Variants in UEVLD observed in about 807,000 individuals in gnomAD.
UEVLD encodes the protein UEV and lactate/malate dehyrogenase domains.
UEVLD carries 47 observed loss-of-function variants against 58.6 expected under a neutral mutation model. That is an observed-to-expected ratio of 0.80 (90% CI 0.63 to 1.02). The LOEUF is 1.02. Ranked by LOEUF, UEVLD falls within the 50% of genes least tolerant of loss-of-function variation. The pLI is 0.00. For missense variants in UEVLD, 510 were observed against 550.6 expected (o/e 0.93, Z 0.74); for synonymous variants, 197 against 195.3 (o/e 1.01, Z -0.07).
intron 4 of UEVLD, among the ~76,000 whole-genome samples, chr11:18,568,377 AGTTTT>A (rs1212820206): frequency 2.6e-5 from 4 of 152,240 alleles, no homozygotes; most frequent in Non-Finnish European, 2.9e-5. Context: ...ACTCGAGGAT[AGTTTT>A]GTTTTGTTTT....
intron 7 of UEVLD, among the ~76,000 whole-genome samples, chr11:18,555,569 C>T (rs1851722866): frequency 6.6e-6 from 1 of 151,950 alleles, no homozygotes; most frequent in African/African-American, 2.4e-5. Context: ...TCCTGGGCAA[C>T]AGAGTGAGAC....
rs1369501279 is a variant in UEVLD, at chr11:18,560,134, CACACAG to C, written c.613-1810_613-1805del. Among the ~76,000 whole-genome samples, 59 of 88,872 alleles carry C rather than the reference CACACAG, an allele frequency of 6.6e-4. 1 individual carries two copies. The highest frequency in any genetic ancestry group is 2.7e-3 in the African/African-American group (56 of 20,948). 58.3% of individuals were successfully genotyped at this position (88,872 alleles called of 152,430 possible). A position where few individuals can be genotyped will look rare whatever the true frequency, so the allele number is the denominator to read the frequency against. On this transcript the variant is annotated intron_variant, in intron 6 of 11. Transcript: ENST00000396197. Reference sequence around the variant, plus strand: ...ACACACACACACACACACACACACACACACAGAGAGAGAAAGAAAATAACCCTGCTA... The same window carrying C: ...ACACACACACACACACACACACACACAGAGAGAAAGAAAATAACCCTGCTA...
chr11:18,536,372 C>A (rs756808801), intron 10 of UEVLD, 34 bp downstream of exon 10: 2 of 1,593,466 alleles, frequency 1.3e-6, no homozygotes, highest in South Asian at 1.1e-5. Flanking sequence ...AATGATTTTT[C>A]GTTGGATAAA....
At chr11:18,534,542 C>G in intron 10 of UEVLD, 89 bp from the exon 11 acceptor site, 1 of 1,356,806 alleles carries the variant, frequency 7.4e-7, no homozygotes, top group Non-Finnish European at 9.9e-7. Context: ...TTAGATGTTT[C>G]TATGACAGAA....
chr11:18,557,140 GTTTTGTTTTTGTTTTTGT>G (rs935923202), intron 7 of UEVLD, among the ~76,000 whole-genome samples: 7 of 150,036 alleles, frequency 4.7e-5, no homozygotes, highest in Non-Finnish European at 1.0e-4. Context: ...CATTTCAAAC[GTTTTGTTTTTGTTTTTGT>G]TTTTGTTTTT....
At chr11:18,578,019 C>G (rs1230164134) in intron 2 of UEVLD, among the ~76,000 whole-genome samples, 3 of 152,024 alleles carry the variant, frequency 2.0e-5, no homozygotes, top group Non-Finnish European at 2.9e-5. Context: ...AATAAAGGTC[C>G]TTTAAAGATG....
rs1850569907 is a variant in UEVLD at position 18,531,777 on chromosome 11, C to A, written c.*543G>T. On this transcript the variant is annotated 3_prime_UTR_variant, in exon 12 of 12. Transcript: ENST00000396197. Reference sequence around the variant, plus strand: ...ACTATTTTAAAGTGCATGTAAAATTCTTTTCCATTTTTTGGTAGGTAATTA... The same window carrying A: ...ACTATTTTAAAGTGCATGTAAAATTATTTTCCATTTTTTGGTAGGTAATTA... 6.6e-6 allele frequency: 1 copy of A among 152,104 alleles called. No homozygotes were observed. The highest frequency in any genetic ancestry group is 1.5e-5 in the Non-Finnish European group (1 of 68,008). The allele number at this position is 152,104 out of a possible 1,614,324, so 9.4% of individuals were successfully genotyped here. A position where few individuals can be genotyped will look rare whatever the true frequency, so the allele number is the denominator to read the frequency against.
In UEVLD at chr11:18,569,394, C is replaced by T. The variant is rs542624195; in HGVS notation, c.357+820G>A. The stretch of plus-strand genomic sequence containing the variant: ...ATTTCTACTGATTATAGAAATGTAT[C>T]ATTTTGTGTACCCTTTTGGAGGCCA... On this transcript the variant is annotated intron_variant, in intron 4 of 11. Transcript: ENST00000396197. Among the ~76,000 whole-genome samples, 4 of 152,236 alleles carry T rather than the reference C, an allele frequency of 2.6e-5. No homozygotes were observed. The South Asian group carries it at 8.3e-4, about 32-fold the overall frequency.
intron 7 of UEVLD, among the ~76,000 whole-genome samples, chr11:18,548,484 A>G (rs1851387987): frequency 6.6e-6 from 1 of 152,072 alleles, no homozygotes; most frequent in South Asian, 2.1e-4. Context: ...CTGATGTCCA[A>G]TGGTGCAATC....
intron 10 of UEVLD, 79 bp from the exon 11 acceptor site, chr11:18,534,532 T>C: frequency 7.0e-7 from 1 of 1,430,928 alleles, no homozygotes; most frequent in South Asian, 1.4e-5. Context: ...AAGGTATTAA[T>C]TAGATGTTTC....
intron 2 of UEVLD, among the ~76,000 whole-genome samples, chr11:18,576,529 AAAAT>A (rs995874477): frequency 2.0e-5 from 3 of 152,078 alleles, no homozygotes; most frequent in Admixed American, 6.6e-5. Context: ...CCATCTCAGA[AAAAT>A]AAATAAATAA....
chr11:18,566,415 T>C lies in UEVLD; in HGVS notation c.425A>G (p.Tyr142Cys). The change falls in exon 5 of 12, where the codon TAT becomes TGT. Residue 142 changes from tyrosine (Y) to cysteine (C), a missense_variant. Tyr to Cys is a radical substitution (Grantham distance 194). Transcript: ENST00000396197. ...IAKFQEELPM[Y>C]SLSSSDEARQ... ...TGCCTCATCAGATGATGATAGAGAATACATGGGAAGTTCCTCTTGAAACTT... is the reference window on the plus strand; with the variant it reads ...TGCCTCATCAGATGATGATAGAGAACACATGGGAAGTTCCTCTTGAAACTT... 6.2e-7 allele frequency: 1 copy of C among 1,614,140 alleles called. No homozygotes were observed. Among genetic ancestry groups the C allele is most frequent in the South Asian group, 1.1e-5 (1 of 91,078 alleles).
intron 6 of UEVLD, among the ~76,000 whole-genome samples, chr11:18,559,691 G>T (rs1010670479): frequency 2.6e-5 from 4 of 152,016 alleles, no homozygotes; most frequent in Non-Finnish European, 5.9e-5. Context: ...CTTAAAAAAA[G>T]TATAATAGCT....
At chr11:18,553,154 CAAAA>C (rs34297128) in intron 7 of UEVLD, among the ~76,000 whole-genome samples, 1 of 81,576 alleles carries the variant, frequency 1.2e-5, no homozygotes, top group Non-Finnish European at 2.3e-5. Context: ...GGTTCCGTCT[CAAAA>C]AAAAAAAAAA....
chr11:18,578,821 A>G lies in UEVLD; in HGVS notation c.43-13T>C. 1.9e-6 allele frequency: 3 copies of G among 1,550,738 alleles called. No homozygotes were observed. Among genetic ancestry groups the G allele is most frequent in the Non-Finnish European group, 2.6e-6 (3 of 1,141,752 alleles). On this transcript the variant is annotated splice_polypyrimidine_tract_variant and intron_variant, in intron 1 of 11. Transcript: ENST00000396197. ...CCCTGAACTTGTACTGAAAAGAGAAAAATAAGCATGGAGTAAGAATAAAGC... is the reference window on the plus strand; with the variant it reads ...CCCTGAACTTGTACTGAAAAGAGAAGAATAAGCATGGAGTAAGAATAAAGC...
intron 6 of UEVLD, among the ~76,000 whole-genome samples, chr11:18,563,489 G>A (rs1445165588): frequency 1.3e-5 from 2 of 152,132 alleles, no homozygotes; most frequent in Non-Finnish European, 2.9e-5. Context: ...TACTTGGGAG[G>A]CTAAGGTGGG....
chr11:18,561,293 T>G (rs1372896004), intron 6 of UEVLD, among the ~76,000 whole-genome samples: 2 of 152,202 alleles, frequency 1.3e-5, no homozygotes, highest in Non-Finnish European at 2.9e-5. Flanking sequence ...AAAGGGTTGT[T>G]GTAAAAATGA....
intron 9 of UEVLD, among the ~76,000 whole-genome samples, 184 bp downstream of exon 9, chr11:18,544,439 C>G (rs1024515970): frequency 6.6e-6 from 1 of 152,120 alleles, no homozygotes; most frequent in African/African-American, 2.4e-5. Context: ...TCCTGAGTAA[C>G]TGGGACTACA....
At chr11:18,556,925 C>T (rs1851777414) in intron 7 of UEVLD, among the ~76,000 whole-genome samples, 1 of 151,692 alleles carries the variant, frequency 6.6e-6, no homozygotes, top group African/African-American at 2.4e-5. Context: ...AATCCTGTCT[C>T]TACTAAAAAT....
Sources: gnomAD v4.1 joint callset for allele counts (sites outside exome capture counted in the v4.1 genomes callset) on GRCh38, gnomAD v4.1.1 for gene constraint, MANE v1.5 for transcripts, NCBI Gene and HGNC (gene_info 2026-07-23, HGNC 2026-07-21) for gene names.